Variants in ALS2CL observed in about 807,000 individuals in gnomAD.
The protein encoded by ALS2CL is ALS2 C-terminal like.
A neutral mutation model predicts 127.9 loss-of-function variants in ALS2CL; 112 were observed. The ratio of observed to expected loss-of-function variants is 0.88; its 90% confidence interval spans 0.75 to 1.02. The LOEUF (loss-of-function observed/expected upper bound fraction) is 1.02. Among genes scored for constraint, ALS2CL ranks in the 50% least tolerant of loss-of-function variants. ALS2CL has a pLI of 0.00. For synonymous variants in ALS2CL, 519 were observed against 527.6 expected, an observed-to-expected ratio of 0.98 and a Z score of 0.22; for missense variants, 1,174 against 1,236.7, an observed-to-expected ratio of 0.95 and a Z score of 0.76.
intron 1 of ALS2CL, among the ~76,000 whole-genome samples, chr3:46,692,705 G>A (rs1470168600): frequency 6.6e-6 from 1 of 152,242 alleles, no homozygotes; most frequent in Non-Finnish European, 1.5e-5. Context: ...GTGGGGCAGG[G>A]TGAGGACAGA....
chr3:46,678,391 T>C lies in ALS2CL; in HGVS notation c.1627-2A>G. ...GCCATTGGGGAAGGTGACCTTGCCCTGGGAGCCAGGAGAAGGAGCAGGGAT... is the reference window on the plus strand; with the variant it reads ...GCCATTGGGGAAGGTGACCTTGCCCCGGGAGCCAGGAGAAGGAGCAGGGAT... On this transcript the variant is annotated splice_acceptor_variant, in intron 15 of 25. Transcript: ENST00000318962. LOFTEE classifies it high-confidence loss of function. 1.2e-6 allele frequency: 2 copies of C among 1,611,096 alleles called. No individual in the cohort carries two copies. Among genetic ancestry groups the C allele is most frequent in the Non-Finnish European group, 1.7e-6 (2 of 1,178,350 alleles).
At chr3:46,675,455 TG>T in intron 20 of ALS2CL, 162 bp downstream of exon 20, 1 of 669,682 alleles carries the variant, frequency 1.5e-6, no homozygotes, top group Non-Finnish European at 2.6e-6. Flanking sequence ...ACAGAGGTCA[TG>T]GGTCATTCTA....
rs776855049 is a variant in ALS2CL, at chr3:46,683,308, C to T, written c.931G>A (p.Val311Met). ...AGGGCCTGGTGAACAGCCCAGGTCA[C>T]CTTCCACTGCCAGACTGCCTGGTGG... ...SQGQAVWQWKVTWAVHQALHG... is the reference protein window; with the variant it reads ...SQGQAVWQWKMTWAVHQALHG... Residue 311 changes from valine (V) to methionine (M), a missense_variant, in exon 10 of 26, where the codon GTG (valine) becomes ATG (methionine). Coordinates refer to ENST00000318962, the MANE Select transcript of ALS2CL (RefSeq NM_147129.5). 6.3e-7 allele frequency: 1 copy of T among 1,589,794 alleles called. No homozygotes were observed. Among genetic ancestry groups the T allele is most frequent in the Admixed American group, 1.8e-5 (1 of 56,772 alleles).
intron 19 of ALS2CL, 139 bp downstream of exon 19, chr3:46,676,106 G>C: frequency 2.1e-6 from 3 of 1,414,504 alleles, no homozygotes; most frequent in Non-Finnish European, 2.8e-6. Flanking sequence ...TTGCTCAGCA[G>C]CTGCACACTG....
rs1426607742 is a variant in ALS2CL at position 46,671,604 on chromosome 3, C to A, written c.2685-20G>T. On this transcript the variant is annotated intron_variant, in intron 24 of 25. Transcript: ENST00000318962. ...TGAATTCTGGAGAACACCGCCCCAC[C>A]AAGAGAGCGAGGGAGACAAGGAGAA... The A allele has an allele frequency of 6.2e-7, 1 of 1,613,758 alleles. No homozygotes were observed. Among genetic ancestry groups the A allele is most frequent in the Non-Finnish European group, 8.5e-7 (1 of 1,179,924 alleles).
rs145322504 is a variant in ALS2CL at position 46,686,998 on chromosome 3, C to G, written c.519G>C (p.Gly173=). Residue 173 remains glycine (G), a synonymous_variant, in exon 5 of 26, where the codon GGG becomes GGC. Coordinates refer to ENST00000318962, the MANE Select transcript of ALS2CL (RefSeq NM_147129.5). The surrounding 1 kb of genome is among the most constrained non-coding windows in gnomAD (Gnocchi z 4.3). ...QQYVLLLLSL[G]DTIGEHHPTR... is the part of the protein sequence containing the mutation. ...TGGTACCCACCTCCCCAATGGTGTC[C>G]CCGAGGCTCAGCAGGAGGAGCACGT... 2 of 1,600,308 alleles carry G rather than the reference C, an allele frequency of 1.2e-6. No individual in the cohort carries two copies. Among genetic ancestry groups the G allele is most frequent in the Non-Finnish European group, 1.7e-6 (2 of 1,177,342 alleles).
At chr3:46,672,436 G>C (rs1253172350) in intron 22 of ALS2CL, among the ~76,000 whole-genome samples, 1 of 152,222 alleles carries the variant, frequency 6.6e-6, no homozygotes, top group East Asian at 1.9e-4. Context: ...GGATCCAAAC[G>C]GATAAGAAGA....
intron 3 of ALS2CL, 124 bp downstream of exon 3, chr3:46,687,958 AGGTGAGCACCAACCAT>A: frequency 9.1e-7 from 1 of 1,100,110 alleles, no homozygotes; most frequent in Non-Finnish European, 1.3e-6. Context: ...GGCTGAACCC[AGGTGAGCACCAACCAT>A]GGACTGAGCC....
chr3:46,683,636 C>T (rs1231995406), intron 9 of ALS2CL, 146 bp downstream of exon 9: 2 of 1,038,712 alleles, frequency 1.9e-6, no homozygotes, highest in African/African-American at 1.6e-5. Context: ...TAATTCTTGA[C>T]CCCGATTTAC....
Position 46,688,240 on chromosome 3 carries a change from G to T in ALS2CL, c.160C>A (p.His54Asn), listed in dbSNP as rs753152910. 6.2e-7 allele frequency: 1 copy of T among 1,612,984 alleles called. No individual in the cohort carries two copies. The highest frequency in any genetic ancestry group is 1.1e-5 in the South Asian group (1 of 91,082). The change falls in exon 3 of 26, where the codon CAC becomes AAC. Residue 54 changes from histidine to asparagine, a missense_variant. By Grantham distance (68) the His-to-Asn change is moderately conservative. Coordinates refer to ENST00000318962, the MANE Select transcript of ALS2CL (RefSeq NM_147129.5). The stretch of plus-strand genomic sequence containing the variant: ...TCCCAGAGTTGCTGGGAGCTCTTGT[G>T]CAGCTGTTGCAAGAGCCGCAGGCAC... ...RECLRLLQQLHKSSQQLWEVT... is the reference protein window; with the variant it reads ...RECLRLLQQLNKSSQQLWEVT...
In ALS2CL at chr3:46,672,332, G is replaced by A; in HGVS notation, c.2473-131C>T. ...GCCAGCTTTAGTGCAGCCCCACCCT[G>A]AGGGCTGAGTGACCCAGGGCAAGTC... On this transcript the variant is annotated intron_variant, in intron 22 of 25. Transcript: ENST00000318962. 2 of 1,149,124 alleles carry A rather than the reference G, an allele frequency of 1.7e-6. 1 individual carries two copies. Among genetic ancestry groups the A allele is most frequent in the Non-Finnish European group, 2.5e-6 (2 of 802,978 alleles). 71.2% of individuals were successfully genotyped at this position (1,149,124 alleles called of 1,614,324 possible). A position where few individuals can be genotyped will look rare whatever the true frequency, so the allele number is the denominator to read the frequency against.
chr3:46,675,720 C>T, intron 19 of ALS2CL, 34 bp from the exon 20 acceptor site: 3 of 1,612,026 alleles, frequency 1.9e-6, no homozygotes, highest in African/African-American at 2.7e-5. Flanking sequence ...GGTGTGGCTG[C>T]CCCTTGCCAC....
rs1699747254 is a variant in ALS2CL, at chr3:46,686,075, CTGCTGAT to C, written c.666+226_666+232del. Among the ~76,000 whole-genome samples the C allele has an allele frequency of 6.6e-6, 1 of 152,332 alleles. No homozygotes were observed. The highest frequency in any genetic ancestry group is 2.1e-4 in the South Asian group (1 of 4,826). ...ATATCCCCAGGGGAGAGGACTGGTT[CTGCTGAT>C]TGCCTCTTCCCTAGGCCGGGTCAGG... is the stretch of plus-strand genomic sequence containing the variant. On this transcript the variant is annotated intron_variant, in intron 6 of 25. Transcript: ENST00000318962. The surrounding 1 kb of genome is among the most constrained non-coding windows in gnomAD (Gnocchi z 4.3).
chr3:46,686,485 C>A lies in ALS2CL; in HGVS notation c.535-46G>T. 6.3e-7 allele frequency: 1 copy of A among 1,591,768 alleles called. No homozygotes were observed. Among genetic ancestry groups the A allele is most frequent in the Non-Finnish European group, 8.6e-7 (1 of 1,168,404 alleles). ...CAGTGAGAGGAGAGCTTACTGGAAT[C>A]TTCCCTAGCCCAGTCCTGGTCCCGG... On this transcript the variant is annotated intron_variant, in intron 5 of 25. Transcript: ENST00000318962. This position sits in a 1 kb window ranked among gnomAD's most constrained non-coding sequence, Gnocchi z 4.3.
rs1699693921 is a variant in ALS2CL, at chr3:46,685,525, C to T, written c.786G>A (p.Gln262=). 1.2e-6 allele frequency: 2 copies of T among 1,613,552 alleles called. No individual in the cohort carries two copies. The highest frequency in any genetic ancestry group is 4.5e-5 in the East Asian group (2 of 44,860). Residue 262 remains glutamine, a splice_region_variant and synonymous_variant, in exon 7 of 26, where the codon CAG becomes CAA. Transcript: ENST00000318962. The stretch of plus-strand genomic sequence containing the variant: ...GACCTTGGGTCAGCCCCACCCCAAC[C>T]TGCAGCAGGACGAGGGCATCATCAA... ...LLFDDALVLL[Q]GHNVHTFDLK...
chr3:46,669,226 G>T lies in ALS2CL; in HGVS notation c.*1758C>A, dbSNP rs1698220456. On this transcript the variant is annotated 3_prime_UTR_variant, in exon 26 of 26. Transcript: ENST00000318962. ...TTTTATTTTGTATTTGTAGAGACAG[G>T]GTCTCACTATGTTGCCCAGGCTGGT... 6.6e-6 allele frequency: 1 copy of T among 151,948 alleles called. No homozygotes were observed. Among genetic ancestry groups the T allele is most frequent in the Admixed American group, 6.6e-5 (1 of 15,238 alleles). The allele number at this position is 151,948 out of a possible 1,614,324, so 9.4% of individuals were successfully genotyped here.
At chr3:46,683,645 A>G (rs1232608330) in intron 9 of ALS2CL, 137 bp downstream of exon 9, 3 of 1,116,612 alleles carry the variant, frequency 2.7e-6, no homozygotes, top group Non-Finnish European at 4.1e-6. Flanking sequence ...ACCCCGATTT[A>G]CTCTGACCAG....
At chr3:46,689,864 C>T (rs751763449) in intron 1 of ALS2CL, among the ~76,000 whole-genome samples, 6 of 152,220 alleles carry the variant, frequency 3.9e-5, no homozygotes, top group African/African-American at 7.2e-5. Flanking sequence ...AGGGATTCTG[C>T]AGTCTCTATA....
At chr3:46,693,018 G>A (rs1038348950) in intron 1 of ALS2CL, among the ~76,000 whole-genome samples, 43 of 152,134 alleles carry the variant, frequency 2.8e-4, no homozygotes, top group African/African-American at 1.0e-3. Context: ...GGTGCCCAGT[G>A]GGGGAGAGTA....
Sources: allele counts gnomAD v4.1 joint callset (sites outside exome capture counted in the v4.1 genomes callset), GRCh38; gene constraint gnomAD v4.1.1; non-coding constraint Gnocchi (gnomAD v3.1); transcripts MANE v1.5; gene names NCBI Gene and HGNC (gene_info 2026-07-23, HGNC 2026-07-21).